SLC10A7: variants seen among roughly 807,000 people sequenced by gnomAD.
SLC10A7 encodes the protein sodium/bile acid cotransporter 7.
In SLC10A7, 29 loss-of-function variants were observed where a neutral mutation model predicts 43.2. That is an observed-to-expected ratio of 0.67 (90% CI 0.50 to 0.92). The LOEUF (loss-of-function observed/expected upper bound fraction) is 0.92. Ranked by LOEUF, SLC10A7 falls within the 40% of genes least tolerant of loss-of-function variation. The pLI is 0.00. For synonymous variants in SLC10A7, 152 were observed against 144.8 expected (o/e 1.05, Z -0.35); for missense variants, 295 against 403.2 (o/e 0.73, Z 2.30).
At chr4:146,499,311 A>G (rs1736194583) in intron 4 of SLC10A7, among the ~76,000 whole-genome samples, 1 of 152,304 alleles carries the variant, frequency 6.6e-6, no homozygotes, top group Middle Eastern at 3.4e-3. Flanking sequence ...GCTACATGCA[A>G]GGCAGAGCAG....
At chr4:146,475,752 C>CA (rs1733966597) in intron 4 of SLC10A7, among the ~76,000 whole-genome samples, 1 of 152,092 alleles carries the variant, frequency 6.6e-6, no homozygotes, top group African/African-American at 2.4e-5. Context: ...ATAAATACCT[C>CA]AAAAAACCTT....
chr4:146,264,048 T>C (rs932313360), intron 10 of SLC10A7, among the ~76,000 whole-genome samples: 4 of 152,232 alleles, frequency 2.6e-5, no homozygotes, highest in Non-Finnish European at 5.9e-5. Flanking sequence ...CACTGCAGCA[T>C]ATTCCATAAG....
intron 4 of SLC10A7, among the ~76,000 whole-genome samples, chr4:146,450,184 A>T (rs1579218412): frequency 6.6e-6 from 1 of 152,166 alleles, no homozygotes; most frequent in African/African-American, 2.4e-5. Flanking sequence ...CAGATCAAAA[A>T]TACTATATTC....
At chr4:146,365,123 G>A (rs1310484417) in intron 5 of SLC10A7, among the ~76,000 whole-genome samples, 1 of 151,950 alleles carries the variant, frequency 6.6e-6, no homozygotes, top group East Asian at 1.9e-4. Context: ...ATTATTATAT[G>A]TTATATATTA....
At chr4:146,388,201 C>G (rs934269615) in intron 5 of SLC10A7, among the ~76,000 whole-genome samples, 4 of 152,150 alleles carry the variant, frequency 2.6e-5, no homozygotes, top group African/African-American at 9.7e-5. Flanking sequence ...ACCAAAACAG[C>G]ATGGTATTGG....
chr4:146,312,835 C>G (rs566020688), intron 6 of SLC10A7, among the ~76,000 whole-genome samples: 7 of 152,252 alleles, frequency 4.6e-5, no homozygotes, highest in African/African-American at 1.7e-4. Flanking sequence ...CAAACCCACA[C>G]AGTCTGTTTA....
chr4:146,273,513 G>C (rs1209921236), intron 10 of SLC10A7, among the ~76,000 whole-genome samples: 1 of 152,110 alleles, frequency 6.6e-6, no homozygotes, highest in Non-Finnish European at 1.5e-5. Context: ...CTATCTCGAA[G>C]GGTGGTTAGA....
At chr4:146,520,629 A>G (rs1216185994) in intron 1 of SLC10A7, among the ~76,000 whole-genome samples, 1 of 152,206 alleles carries the variant, frequency 6.6e-6, no homozygotes, top group Non-Finnish European at 1.5e-5. Flanking sequence ...ACAAAAAGAT[A>G]AAAATAACTT....
intron 4 of SLC10A7, chr4:146,477,965 G>A (rs1225171131): frequency 6.6e-6 from 1 of 152,146 alleles, no homozygotes; most frequent in East Asian, 1.9e-4. Flanking sequence ...AAGCACGAGA[G>A]TACCTTTTCA....
intron 7 of SLC10A7, 151 bp downstream of exon 7, chr4:146,305,775 A>T: frequency 1.5e-6 from 1 of 671,102 alleles, no homozygotes; most frequent in Non-Finnish European, 2.5e-6. Context: ...AAAAGATGAG[A>T]ATACTGTGAT....
chr4:146,358,803 G>C (rs1321955172), intron 5 of SLC10A7, among the ~76,000 whole-genome samples: 1 of 151,468 alleles, frequency 6.6e-6, no homozygotes, highest in South Asian at 2.1e-4. Flanking sequence ...TTTCATTTTG[G>C]TTTACACACA....
intron 4 of SLC10A7, among the ~76,000 whole-genome samples, chr4:146,446,909 C>T (rs984320722): frequency 2.6e-5 from 4 of 152,030 alleles, no homozygotes; most frequent in Non-Finnish European, 5.9e-5. Context: ...GACACAAGTA[C>T]GATTCCCTGA....
intron 6 of SLC10A7, among the ~76,000 whole-genome samples, chr4:146,324,211 A>G (rs1042652813): frequency 1.3e-5 from 2 of 152,188 alleles, no homozygotes; most frequent in African/African-American, 4.8e-5. Flanking sequence ...ATGCTCATGG[A>G]TAGGAAGAAT....
intron 7 of SLC10A7, among the ~76,000 whole-genome samples, chr4:146,302,910 T>C (rs1408427456): frequency 1.3e-5 from 2 of 152,220 alleles, no homozygotes; most frequent in Non-Finnish European, 2.9e-5. Flanking sequence ...GTGTTGTGGA[T>C]GCTGTGGAGC....
chr4:146,404,705 A>G (rs993934177), intron 5 of SLC10A7, among the ~76,000 whole-genome samples: 14 of 152,226 alleles, frequency 9.2e-5, no homozygotes, highest in African/African-American at 2.6e-4. Context: ...CCTGGCCTCA[A>G]GCAATCCTCC....
chr4:146,360,725 G>A (rs1221127148), intron 5 of SLC10A7, among the ~76,000 whole-genome samples: 2 of 152,058 alleles, frequency 1.3e-5, no homozygotes, highest in African/African-American at 2.4e-5. Flanking sequence ...CCAAAATGCT[G>A]GGATTACAGG....
chr4:146,434,798 G>A (rs577507256), intron 5 of SLC10A7, among the ~76,000 whole-genome samples: 3 of 152,190 alleles, frequency 2.0e-5, no homozygotes, highest in Non-Finnish European at 2.9e-5. Context: ...TCCTGACCTC[G>A]TGATCCACTA....
intron 5 of SLC10A7, among the ~76,000 whole-genome samples, chr4:146,404,041 G>T (rs936919038): frequency 3.3e-5 from 5 of 152,030 alleles, no homozygotes; most frequent in African/African-American, 1.2e-4. Flanking sequence ...TTTTGTTTTT[G>T]TTTTTGTTTT....
chr4:146,489,256 G>A (rs1735184000), intron 4 of SLC10A7, among the ~76,000 whole-genome samples: 1 of 152,150 alleles, frequency 6.6e-6, no homozygotes, highest in Admixed American at 6.5e-5. Flanking sequence ...TCTGTGGATT[G>A]AGGCAGTCTG....
Sources: gnomAD v4.1 joint callset for allele counts (sites outside exome capture counted in the v4.1 genomes callset) on GRCh38, gnomAD v4.1.1 for gene constraint, MANE v1.5 for transcripts, NCBI Gene and HGNC (gene_info 2026-07-23, HGNC 2026-07-21) for gene names.